The following CFDP1 variants were observed in gnomAD, a reference collection of about 807,000 sequenced individuals.
CFDP1 encodes the protein heterochromatin-stabilizing protein CFDP1.
In CFDP1, 31 loss-of-function variants were observed where a neutral mutation model predicts 40.1. The observed-to-expected ratio is 0.77, with a 90% CI of 0.58 to 1.04. The LOEUF (loss-of-function observed/expected upper bound fraction) is 1.04. Among genes scored for constraint, CFDP1 ranks in the 50% least tolerant of loss-of-function variants. The pLI, the probability that CFDP1 is intolerant of heterozygous loss-of-function variation, is 0.00. For synonymous variants in CFDP1, 167 were observed against 120.0 expected (o/e 1.39, Z -2.56); for missense variants, 423 against 343.4 (o/e 1.23, Z -1.83).
At chr16:75,335,180 C>A (rs865971577) in intron 5 of CFDP1, among the ~76,000 whole-genome samples, 1 of 152,156 alleles carries the variant, frequency 6.6e-6, no homozygotes, top group African/African-American at 2.4e-5. Context: ...TAAGTTCCCC[C>A]CTGGTTGGGC....
At chr16:75,396,815 A>G (rs62059845) in intron 4 of CFDP1, among the ~76,000 whole-genome samples, 78,032 of 150,656 alleles carry the variant, frequency 0.52, 21,270 homozygotes, top group Admixed American at 0.64. Flanking sequence ...CCAGGTTAAC[A>G]AAAACACCTG....
intron 6 of CFDP1, among the ~76,000 whole-genome samples, chr16:75,294,244 A>G (rs904012481): frequency 6.6e-6 from 1 of 152,226 alleles, no homozygotes; most frequent in African/African-American, 2.4e-5. Flanking sequence ...CAGCTTATCA[A>G]TGAGAAAGTA....
Position 75,385,441 on chromosome 16 carries a change from AAAC to A in CFDP1, c.650+9646_650+9648del, listed in dbSNP as rs545918306. 2.2e-4 allele frequency among the ~76,000 whole-genome samples: 34 copies of A among 152,234 alleles called. 1 individual carries two copies. In the East Asian group the frequency reaches 2.7e-3, roughly 12 times the overall value. ...TTTTTACTTTCTTATTTGTAATTTA[AAAC>A]AACAACAACAACAGCAACAACAAAG... On this transcript the variant is annotated intron_variant, in intron 5 of 6. Coordinates refer to ENST00000283882, the MANE Select transcript of CFDP1 (RefSeq NM_006324.3).
chr16:75,340,749 T>A (rs2078521284), intron 5 of CFDP1, among the ~76,000 whole-genome samples: 1 of 152,244 alleles, frequency 6.6e-6, no homozygotes, highest in South Asian at 2.1e-4. Context: ...GTTTTTCATC[T>A]GCTGAGTAAG....
At chr16:75,338,454 G>C (rs1007222322) in intron 5 of CFDP1, among the ~76,000 whole-genome samples, 4 of 152,208 alleles carry the variant, frequency 2.6e-5, no homozygotes, top group African/African-American at 9.6e-5. Flanking sequence ...GCAGAGTACA[G>C]ATGAGCATCT....
At chr16:75,394,036 C>CA (rs2078976086) in intron 5 of CFDP1, among the ~76,000 whole-genome samples, 1 of 152,134 alleles carries the variant, frequency 6.6e-6, no homozygotes, top group Non-Finnish European at 1.5e-5. Flanking sequence ...GCCTGGGTGA[C>CA]AGAGCGAGAC....
chr16:75,366,840 AT>A (rs1319334810), intron 5 of CFDP1, among the ~76,000 whole-genome samples: 1 of 151,788 alleles, frequency 6.6e-6, no homozygotes, highest in Non-Finnish European at 1.5e-5. Context: ...CTAAAATGAA[AT>A]TGTACACAAT....
At chr16:75,352,982 C>G (rs1341949481) in intron 5 of CFDP1, among the ~76,000 whole-genome samples, 1 of 152,156 alleles carries the variant, frequency 6.6e-6, no homozygotes, top group Non-Finnish European at 1.5e-5. Context: ...AAGAAACACA[C>G]AGGACAGAGG....
intron 4 of CFDP1, among the ~76,000 whole-genome samples, chr16:75,401,607 T>C (rs2079055136): frequency 1.3e-5 from 2 of 151,074 alleles, no homozygotes; most frequent in Admixed American, 6.6e-5. Flanking sequence ...CTCAGAAAAA[T>C]AAAAAAAAGA....
chr16:75,296,588 G>A (rs1369098595), intron 6 of CFDP1, among the ~76,000 whole-genome samples: 1 of 152,194 alleles, frequency 6.6e-6, no homozygotes, highest in South Asian at 2.1e-4. Flanking sequence ...AACTGGGTAC[G>A]AATAAAGGTC....
intron 5 of CFDP1, among the ~76,000 whole-genome samples, chr16:75,361,185 T>C (rs2078677103): frequency 6.6e-6 from 1 of 152,120 alleles, no homozygotes; most frequent in Non-Finnish European, 1.5e-5. Context: ...AATTTTTGTA[T>C]TTTTTAGTAG....
At chr16:75,302,953 T>G (rs1220594968) in intron 6 of CFDP1, among the ~76,000 whole-genome samples, 1 of 152,160 alleles carries the variant, frequency 6.6e-6, no homozygotes, top group Non-Finnish European at 1.5e-5. Context: ...CCCAGAACTT[T>G]GGGAGGCCGA....
chr16:75,360,162 G>A (rs148436670), intron 5 of CFDP1, among the ~76,000 whole-genome samples: 74 of 152,276 alleles, frequency 4.9e-4, no homozygotes, highest in South Asian at 2.7e-3. Flanking sequence ...AAAAAGTGCT[G>A]GGATTACAGG....
At chr16:75,305,204 G>C in intron 5 of CFDP1, 22 bp from the exon 6 acceptor site, 1 of 1,610,984 alleles carries the variant, frequency 6.2e-7, no homozygotes, top group African/African-American at 1.3e-5. Flanking sequence ...AAATATGAAA[G>C]ATGTAGCAGG....
intron 5 of CFDP1, among the ~76,000 whole-genome samples, chr16:75,321,666 A>G (rs182109379): frequency 6.6e-6 from 1 of 152,346 alleles, no homozygotes; most frequent in Non-Finnish European, 1.5e-5. Context: ...AACCAGAAAC[A>G]GAAACTAAGA....
At chr16:75,301,536 C>CTTTTT (rs546724752) in intron 6 of CFDP1, among the ~76,000 whole-genome samples, 674 of 53,960 alleles carry the variant, frequency 0.012, 38 homozygotes, top group Middle Eastern at 0.037. Flanking sequence ...TTTGTTGTGT[C>CTTTTT]TTTTTTTTTT....
chr16:75,371,388 T>A (rs979796716), intron 5 of CFDP1, among the ~76,000 whole-genome samples: 4 of 152,192 alleles, frequency 2.6e-5, no homozygotes, highest in Admixed American at 2.6e-4. Context: ...CTGGCTAATG[T>A]CTTAAGTAAA....
intron 4 of CFDP1, among the ~76,000 whole-genome samples, chr16:75,406,233 A>C (rs1330466317): frequency 6.6e-6 from 1 of 152,024 alleles, no homozygotes; most frequent in East Asian, 1.9e-4. Context: ...CGAATTAGCT[A>C]GGCATGGGTG....
chr16:75,374,263 G>C (rs531099662), intron 5 of CFDP1, among the ~76,000 whole-genome samples: 1 of 151,762 alleles, frequency 6.6e-6, no homozygotes, highest in African/African-American at 2.4e-5. Flanking sequence ...ATAAATTATA[G>C]AATATTCAAA....
Sources: gnomAD v4.1 joint callset for allele counts (sites outside exome capture counted in the v4.1 genomes callset) on GRCh38, gnomAD v4.1.1 for gene constraint, MANE v1.5 for transcripts, NCBI Gene and HGNC (gene_info 2026-07-23, HGNC 2026-07-21) for gene names.